The following ZDHHC5 variants were observed in gnomAD, a reference collection of about 807,000 sequenced individuals.
ZDHHC5 encodes zDHHC palmitoyltransferase 5.
A neutral mutation model predicts 70.0 loss-of-function variants in ZDHHC5; 22 were observed. The observed-to-expected ratio is 0.31, with a 90% CI of 0.22 to 0.45. The LOEUF (loss-of-function observed/expected upper bound fraction) is 0.45. Among genes scored for constraint, ZDHHC5 ranks in the 20% least tolerant of loss-of-function variants. The pLI is 1.00. For synonymous variants in ZDHHC5, 313 were observed against 347.8 expected (o/e 0.90, Z 1.11); for missense variants, 746 against 926.9 (o/e 0.80, Z 2.53).
chr11:57,690,764 C>T (rs187491978), intron 6 of ZDHHC5, among the ~76,000 whole-genome samples: 5 of 152,224 alleles, frequency 3.3e-5, no homozygotes, highest in South Asian at 2.1e-4. Flanking sequence ...AACCAAACAC[C>T]GCATGTTCTC....
At chr11:57,686,863 C>T (rs1403994887) in intron 3 of ZDHHC5, among the ~76,000 whole-genome samples, 2 of 147,426 alleles carry the variant, frequency 1.4e-5, no homozygotes, top group African/African-American at 5.0e-5. Context: ...CAGTGTCTTA[C>T]TCTGTCACCA....
intron 3 of ZDHHC5, among the ~76,000 whole-genome samples, chr11:57,684,255 G>A (rs559976441): frequency 7.2e-5 from 11 of 152,264 alleles, no homozygotes; most frequent in Middle Eastern, 3.4e-3. Flanking sequence ...GATTATAGGC[G>A]TGAGCCACCG....
At chr11:57,694,056 A>G in intron 8 of ZDHHC5, 141 bp downstream of exon 8, 2 of 1,119,922 alleles carry the variant, frequency 1.8e-6, no homozygotes, top group Non-Finnish European at 2.4e-6. Context: ...GCTGGAGTGC[A>G]GTGGTGCTCA....
intron 2 of ZDHHC5, among the ~76,000 whole-genome samples, chr11:57,679,381 C>A (rs768608348): frequency 6.6e-6 from 1 of 152,082 alleles, no homozygotes; most frequent in Non-Finnish European, 1.5e-5. Flanking sequence ...AGGCTGGTCT[C>A]GAACTCCTGA....
intron 11 of ZDHHC5, 74 bp from the exon 12 acceptor site, chr11:57,699,792 C>T (rs1467327350): frequency 3.8e-6 from 6 of 1,577,546 alleles, no homozygotes; most frequent in Admixed American, 1.7e-5. Context: ...TTTCTCTGAA[C>T]CTTTGAAACT....
chr11:57,700,530 C>T lies in ZDHHC5; in HGVS notation c.*499C>T, dbSNP rs907783455. 3 of 152,064 alleles carry T rather than the reference C, an allele frequency of 2.0e-5. No homozygotes were observed. The Admixed American group carries it at 2.0e-4, about 10-fold the overall frequency. 9.4% of individuals were successfully genotyped at this position (152,064 alleles called of 1,614,324 possible). A position where few individuals can be genotyped will look rare whatever the true frequency, so the allele number is the denominator to read the frequency against. The stretch of plus-strand genomic sequence containing the variant: ...ATCTTACTCTTCCCATTCCTCAGAC[C>T]AGCAGGAAAAGAGGGGAGACGTCAG... On this transcript the variant is annotated 3_prime_UTR_variant, in exon 12 of 12. Transcript: ENST00000287169.
intron 1 of ZDHHC5, among the ~76,000 whole-genome samples, chr11:57,669,689 C>G (rs1945977627): frequency 6.6e-6 from 1 of 152,210 alleles, no homozygotes; most frequent in Non-Finnish European, 1.5e-5. Flanking sequence ...GAACTCCTGA[C>G]CTCAAATGAT....
chr11:57,697,704 G>A (rs1946372346), intron 10 of ZDHHC5, among the ~76,000 whole-genome samples: 1 of 151,226 alleles, frequency 6.6e-6, no homozygotes, highest in Admixed American at 6.6e-5. Flanking sequence ...CTACTTGGCA[G>A]GCTGAGGCAA....
intron 8 of ZDHHC5, among the ~76,000 whole-genome samples, chr11:57,694,272 A>AT (rs1946322318): frequency 6.6e-6 from 1 of 152,090 alleles, no homozygotes; most frequent in African/African-American, 2.4e-5. Context: ...GATTACAAGC[A>AT]TGAGCCACCA....
chr11:57,683,044 CTT>C (rs760338751), intron 3 of ZDHHC5, among the ~76,000 whole-genome samples: 1 of 152,138 alleles, frequency 6.6e-6, no homozygotes. Flanking sequence ...GTGGGAAAGA[CTT>C]TACCAAGTAG....
At chr11:57,694,076 C>A (rs2135400760) in intron 8 of ZDHHC5, among the ~76,000 whole-genome samples, 161 bp downstream of exon 8, 1 of 149,780 alleles carries the variant, frequency 6.7e-6, no homozygotes, top group South Asian at 2.1e-4. Flanking sequence ...AGTGCAAACT[C>A]TGCCTCCCAG....
In ZDHHC5 at chr11:57,678,842, C is replaced by T. The variant is rs527891862; in HGVS notation, c.105-3580C>T. 3.5e-4 allele frequency among the ~76,000 whole-genome samples: 53 copies of T among 152,188 alleles called. No homozygotes were observed. In the East Asian group the frequency reaches 9.5e-3, roughly 27 times the overall value. On this transcript the variant is annotated intron_variant, in intron 2 of 11. Coordinates refer to ENST00000287169, the MANE Select transcript of ZDHHC5 (RefSeq NM_015457.3). ...AGTGAGCCAAGCATGGGTGACAGAG[C>T]GAGACCCTGTCTCAAAAAAAATGAA...
intron 3 of ZDHHC5, among the ~76,000 whole-genome samples, chr11:57,686,981 C>T (rs990395909): frequency 2.0e-5 from 3 of 151,988 alleles, no homozygotes; most frequent in Non-Finnish European, 4.4e-5. Flanking sequence ...CAGGCGTGTG[C>T]CACCACCCCT....
intron 6 of ZDHHC5, 97 bp downstream of exon 6, chr11:57,690,534 T>A: frequency 8.1e-7 from 1 of 1,230,326 alleles, no homozygotes; most frequent in Non-Finnish European, 1.2e-6. Context: ...AAGAGATGCT[T>A]AATGAATACT....
Position 57,672,529 on chromosome 11 carries a change from G to A in ZDHHC5, c.-562G>A, listed in dbSNP as rs181866738. ...AAAGCTCCTCTTTAAAGTTGGAAGGGGCCTCAGGTTCCTTCTTGGATTGAA... is the reference window on the plus strand; with the variant it reads ...AAAGCTCCTCTTTAAAGTTGGAAGGAGCCTCAGGTTCCTTCTTGGATTGAA... On this transcript the variant is annotated 5_prime_UTR_variant, in exon 2 of 12. Coordinates refer to ENST00000287169, the MANE Select transcript of ZDHHC5 (RefSeq NM_015457.3). 2.2e-5 allele frequency: 7 copies of A among 319,884 alleles called. No individual in the cohort carries two copies. Among genetic ancestry groups the A allele is most frequent in the Admixed American group, 2.0e-4 (4 of 20,338 alleles). The allele number at this position is 319,884 out of a possible 1,614,324, so 19.8% of individuals were successfully genotyped here. A position where few individuals can be genotyped will look rare whatever the true frequency, so the allele number is the denominator to read the frequency against.
rs767507873 is a variant in ZDHHC5 at position 57,690,075 on chromosome 11, C to T, written c.429C>T (p.Arg143=). ...HCPWVNNCIG[R]RNYRYFFLFL... is the part of the protein sequence containing the mutation. ...CCTGGGTGAATAACTGTATTGGTCG[C>T]CGGAACTACCGTTATTTTTTCCTTT... is the stretch of plus-strand genomic sequence containing the variant. Residue 143 remains arginine (R), a synonymous_variant, in exon 5 of 12, where the codon CGC becomes CGT. Transcript: ENST00000287169. 2.5e-6 allele frequency: 4 copies of T among 1,613,978 alleles called. No individual in the cohort carries two copies. In the African/African-American group the frequency reaches 4.0e-5, roughly 16 times the overall value.
At chr11:57,696,568 G>A (rs1401663321) in intron 9 of ZDHHC5, among the ~76,000 whole-genome samples, 193 bp from the exon 10 acceptor site, 6 of 152,042 alleles carry the variant, frequency 3.9e-5, no homozygotes, top group African/African-American at 1.4e-4. Context: ...ATTTAAAAAA[G>A]TTAGCTGGGC....
Position 57,672,896 on chromosome 11 carries a change from C to A in ZDHHC5, c.-195C>A. ...CATTTGGAATCACCTTTCCCCCTCC[C>A]ATGTGCTTTCCTTCATTTGAGATCT... On this transcript the variant is annotated 5_prime_UTR_variant, in exon 2 of 12. Coordinates refer to ENST00000287169, the MANE Select transcript of ZDHHC5 (RefSeq NM_015457.3). 1 of 541,802 alleles carries A rather than the reference C, an allele frequency of 1.8e-6. No homozygotes were observed. Among genetic ancestry groups the A allele is most frequent in the Non-Finnish European group, 3.3e-6 (1 of 301,402 alleles). The allele number at this position is 541,802 out of a possible 1,614,324, so 33.6% of individuals were successfully genotyped here.
At chr11:57,679,184 C>T (rs886694362) in intron 2 of ZDHHC5, among the ~76,000 whole-genome samples, 5 of 151,894 alleles carry the variant, frequency 3.3e-5, no homozygotes, top group East Asian at 1.9e-4. Flanking sequence ...TATTTTGAGA[C>T]GGAGTTTGGC....
Sources: gnomAD v4.1 joint callset for allele counts (sites outside exome capture counted in the v4.1 genomes callset) on GRCh38, gnomAD v4.1.1 for gene constraint, MANE v1.5 for transcripts, NCBI Gene and HGNC (gene_info 2026-07-23, HGNC 2026-07-21) for gene names.